DOCK5: variants seen among roughly 807,000 people sequenced by gnomAD.
DOCK5 encodes dedicator of cytokinesis protein 5.
In DOCK5, 142 loss-of-function variants were observed where a neutral mutation model predicts 251.8. The observed-to-expected ratio is 0.56, with a 90% CI of 0.49 to 0.65. DOCK5 has a LOEUF of 0.65. DOCK5 is among the 30% of genes least tolerant of loss of function. The pLI is 0.00. For synonymous variants in DOCK5, 842 were observed against 835.5 expected (o/e 1.01, Z -0.13); for missense variants, 2,111 against 2,312.3 (o/e 0.91, Z 1.79).
intron 40 of DOCK5, among the ~76,000 whole-genome samples, chr8:25,383,569 T>A (rs1286641790): frequency 1.3e-5 from 2 of 152,198 alleles, no homozygotes; most frequent in Non-Finnish European, 2.9e-5. Context: ...AAATTTAATC[T>A]GCATGTCGGA....
At position 25,325,450 on chromosome 8, in the gene DOCK5, A is replaced by C; in HGVS notation, c.1806A>C (p.Ala602=). ...KMEMEEKELQ[A]SKNLVTFTPS... Reference sequence around the variant, plus strand: ...AGATGGAAGAAAAAGAGCTTCAAGCATCCAAAAACCTGGTCACCTTCACCC... The same window carrying C: ...AGATGGAAGAAAAAGAGCTTCAAGCCTCCAAAAACCTGGTCACCTTCACCC... The change falls in exon 18 of 52, where the codon GCA becomes GCC. Residue 602 remains alanine, a synonymous_variant. Coordinates refer to ENST00000276440, the MANE Select transcript of DOCK5 (RefSeq NM_024940.8). 6.2e-7 allele frequency: 1 copy of C among 1,613,988 alleles called. No individual in the cohort carries two copies. Among genetic ancestry groups the C allele is most frequent in the Non-Finnish European group, 8.5e-7 (1 of 1,179,852 alleles).
chr8:25,240,345 A>G (rs1481345971), intron 1 of DOCK5, among the ~76,000 whole-genome samples: 2 of 151,906 alleles, frequency 1.3e-5, no homozygotes, highest in Non-Finnish European at 1.5e-5. Context: ...CGTTTTAAGC[A>G]TATAATTCAC....
intron 3 of DOCK5, among the ~76,000 whole-genome samples, chr8:25,272,359 T>C (rs541880771): frequency 6.6e-6 from 1 of 152,338 alleles, no homozygotes; most frequent in Admixed American, 6.5e-5. Flanking sequence ...AAAATCATCA[T>C]GTCTGAACAT....
intron 26 of DOCK5, among the ~76,000 whole-genome samples, chr8:25,350,300 GTATC>G (rs144375668): frequency 0.018 from 2,740 of 152,240 alleles, 79 homozygotes; most frequent in African/African-American, 0.063. Context: ...GAGTTTCAAA[GTATC>G]TATCATAAAG....
At chr8:25,266,356 C>T (rs774168651) in intron 2 of DOCK5, among the ~76,000 whole-genome samples, 1 of 151,692 alleles carries the variant, frequency 6.6e-6, no homozygotes, top group Non-Finnish European at 1.5e-5. Flanking sequence ...GCTGGGACTA[C>T]AGGCACCCGC....
intron 1 of DOCK5, among the ~76,000 whole-genome samples, chr8:25,222,115 C>T (rs975874959): frequency 2.6e-5 from 4 of 152,130 alleles, no homozygotes; most frequent in African/African-American, 4.8e-5. Context: ...AGGATGAGTT[C>T]GTGATCTCGC....
chr8:25,242,627 T>C (rs757475890), intron 1 of DOCK5, among the ~76,000 whole-genome samples: 32 of 152,214 alleles, frequency 2.1e-4, no homozygotes, highest in Non-Finnish European at 4.7e-4. Context: ...TTTGGCAAAA[T>C]ATCTATTCAA....
chr8:25,337,156 A>G (rs1386245866), intron 22 of DOCK5, among the ~76,000 whole-genome samples: 1 of 152,200 alleles, frequency 6.6e-6, no homozygotes, highest in Non-Finnish European at 1.5e-5. Flanking sequence ...AAAAACAGGT[A>G]ATTTACAAAA....
At position 25,368,626 on chromosome 8, in the gene DOCK5, T is replaced by C. The variant is rs1800819942; in HGVS notation, c.3339T>C (p.Thr1113=). The change falls in exon 33 of 52, where the codon ACT becomes ACC. Residue 1113 remains threonine, a synonymous_variant. Transcript: ENST00000276440. ...TGGTGGGTCCCATTCTGGAGGTCAC[T>C]CTGACCCCTGAAGTAGAGCTCCGGA... ...PSMVGPILEV[T]LTPEVELRKA... is the part of the protein sequence containing the mutation. The C allele has an allele frequency of 6.2e-7, 1 of 1,613,792 alleles. No individual in the cohort carries two copies. Among genetic ancestry groups the C allele is most frequent in the African/African-American group, 1.3e-5 (1 of 74,948 alleles).
intron 44 of DOCK5, among the ~76,000 whole-genome samples, chr8:25,393,165 G>T (rs1297620091): frequency 2.6e-5 from 4 of 152,116 alleles, no homozygotes; most frequent in Non-Finnish European, 5.9e-5. Context: ...AACATTTTTG[G>T]AATGCTGCTT....
At chr8:25,336,927 G>GT (rs1805826274) in intron 22 of DOCK5, among the ~76,000 whole-genome samples, 1 of 152,054 alleles carries the variant, frequency 6.6e-6, no homozygotes, top group Non-Finnish European at 1.5e-5. Context: ...AGAAATAGCT[G>GT]TATTTCCAAA....
At chr8:25,196,815 T>TA (rs557580423) in intron 1 of DOCK5, among the ~76,000 whole-genome samples, 4 of 152,092 alleles carry the variant, frequency 2.6e-5, no homozygotes, top group East Asian at 3.9e-4. Flanking sequence ...TCAAAAGAAT[T>TA]AAAAAAAAGG....
chr8:25,225,663 G>A (rs1207259492), intron 1 of DOCK5, among the ~76,000 whole-genome samples: 7 of 150,168 alleles, frequency 4.7e-5, no homozygotes, highest in South Asian at 2.1e-4. Context: ...CCGAGATCTC[G>A]TCACTGCACT....
intron 37 of DOCK5, chr8:25,376,411 C>A: frequency 1.0e-6 from 1 of 975,650 alleles, no homozygotes; most frequent in Non-Finnish European, 1.2e-6. Context: ...GAGGGAATCT[C>A]TTTCTAGATT....
At chr8:25,281,428 A>C (rs1480595781) in intron 5 of DOCK5, among the ~76,000 whole-genome samples, 1 of 97,940 alleles carries the variant, frequency 1.0e-5, no homozygotes, top group Admixed American at 1.4e-4. Flanking sequence ...GAAAAGAGTG[A>C]AACTCCGTCT....
intron 47 of DOCK5, among the ~76,000 whole-genome samples, chr8:25,402,507 G>C (rs2939812): frequency 5.3e-5 from 8 of 152,060 alleles, no homozygotes; most frequent in African/African-American, 1.9e-4. Flanking sequence ...CATGTTAGCC[G>C]GAATGGTCTC....
chr8:25,397,850 T>C (rs1801373444), intron 45 of DOCK5, among the ~76,000 whole-genome samples: 1 of 152,192 alleles, frequency 6.6e-6, no homozygotes, highest in Non-Finnish European at 1.5e-5. Context: ...CATACATACA[T>C]ACGTACATTT....
chr8:25,244,543 A>G (rs1803045336), intron 2 of DOCK5, among the ~76,000 whole-genome samples: 1 of 152,204 alleles, frequency 6.6e-6, no homozygotes, highest in Admixed American at 6.5e-5. Context: ...TTAGGGTACA[A>G]ATGAGGTGGA....
At chr8:25,193,427 T>C (rs1801636744) in intron 1 of DOCK5, among the ~76,000 whole-genome samples, 1 of 151,574 alleles carries the variant, frequency 6.6e-6, no homozygotes, top group Non-Finnish European at 1.5e-5. Flanking sequence ...TGTAGCACTA[T>C]GCTTGGGACC....
Sources: gnomAD v4.1 joint callset for allele counts (sites outside exome capture counted in the v4.1 genomes callset) on GRCh38, gnomAD v4.1.1 for gene constraint, MANE v1.5 for transcripts, NCBI Gene and HGNC (gene_info 2026-07-23, HGNC 2026-07-21) for gene names.